COL19A1: variants seen among roughly 807,000 people sequenced by gnomAD.
COL19A1 encodes collagen alpha-1(XIX) chain.
A neutral mutation model predicts 190.2 loss-of-function variants in COL19A1; 159 were observed. The ratio of observed to expected loss-of-function variants is 0.84; its 90% CI spans 0.73 to 0.95. COL19A1 has a LOEUF of 0.95. COL19A1 is among the 40% of genes least tolerant of loss of function. The probability of loss-of-function intolerance (pLI) is 0.00; values close to 1 mark genes in which losing one functional copy is unlikely to be tolerated. For missense variants in COL19A1, 1,418 were observed against 1,431.9 expected, an observed-to-expected ratio of 0.99 and a Z score of 0.16; for synonymous variants, 509 against 458.9, an observed-to-expected ratio of 1.11 and a Z score of -1.39.
In COL19A1 at chr6:70,183,216, G is replaced by A. The variant is rs141577465; in HGVS notation, c.2776-1487G>A. Among the ~76,000 whole-genome samples the A allele has an allele frequency of 5.3e-5, 8 of 152,294 alleles. No individual in the cohort carries two copies. In the East Asian group the frequency reaches 1.5e-3, roughly 29 times the overall value. On this transcript the variant is annotated intron_variant, in intron 44 of 50. Transcript: ENST00000620364. ...ATTTGGGTTGGAACAAGCGAGCAAAGATACGTGGTTTTCTTCAGCCAATCA... is the reference window on the plus strand; with the variant it reads ...ATTTGGGTTGGAACAAGCGAGCAAAAATACGTGGTTTTCTTCAGCCAATCA...
intron 11 of COL19A1, among the ~76,000 whole-genome samples, chr6:69,971,858 G>C (rs79643713): frequency 0.018 from 2,786 of 152,232 alleles, 36 homozygotes; most frequent in Middle Eastern, 0.082. Flanking sequence ...TAATCTCCCT[G>C]TTCTCACTCT....
At chr6:70,045,837 A>T (rs1264961824) in intron 14 of COL19A1, among the ~76,000 whole-genome samples, 1 of 152,188 alleles carries the variant, frequency 6.6e-6, no homozygotes, top group African/African-American at 2.4e-5. Flanking sequence ...CTAACCCATG[A>T]CCCAGACTTG....
intron 4 of COL19A1, among the ~76,000 whole-genome samples, chr6:69,921,512 ATG>A (rs374675608): frequency 0.011 from 98 of 8,714 alleles, 4 homozygotes; most frequent in African/African-American, 0.022. Flanking sequence ...ATATATTCAT[ATG>A]TATATTCATA....
At position 69,995,522 on chromosome 6, in the gene COL19A1, A is replaced by ATTT. The variant is rs111245935; in HGVS notation, c.1027-28092_1027-28090dup. On this transcript the variant is annotated intron_variant, in intron 11 of 50. Coordinates refer to ENST00000620364, the MANE Select transcript of COL19A1 (RefSeq NM_001858.6). ...GGTTTGATTTAAGTAAAACCGTGTG[A>ATTT]TTTTTTTTTTTTTTTACCAAAAGCA... is the stretch of plus-strand genomic sequence containing the variant. Among the ~76,000 whole-genome samples, 1,322 of 145,992 alleles carry ATTT rather than the reference A, an allele frequency of 9.1e-3. 20 individuals are homozygous for ATTT. The highest frequency in any genetic ancestry group is 0.031 in the African/African-American group (1,237 of 40,384).
At chr6:69,891,208 A>G (rs1228684942) in intron 2 of COL19A1, 1 of 154,756 alleles carries the variant, frequency 6.5e-6, no homozygotes, top group African/African-American at 2.4e-5. Flanking sequence ...GCTAGCAAAA[A>G]AAAAAAAAAA....
chr6:70,035,510 T>C (rs1251314740), intron 13 of COL19A1, among the ~76,000 whole-genome samples: 3 of 152,210 alleles, frequency 2.0e-5, no homozygotes, highest in Non-Finnish European at 4.4e-5. Context: ...ATCCACTTAT[T>C]ATTTCTGCTG....
intron 14 of COL19A1, among the ~76,000 whole-genome samples, chr6:70,067,311 G>C (rs564822596): frequency 2.0e-5 from 3 of 152,108 alleles, no homozygotes; most frequent in Non-Finnish European, 4.4e-5. Context: ...GAATCCAAAC[G>C]TATCTTGTAG....
At chr6:70,038,316 C>T (rs558839022) in intron 14 of COL19A1, among the ~76,000 whole-genome samples, 1 of 152,322 alleles carries the variant, frequency 6.6e-6, no homozygotes, top group East Asian at 1.9e-4. Flanking sequence ...ATTCAATCAA[C>T]CTGATGTGGG....
intron 14 of COL19A1, among the ~76,000 whole-genome samples, chr6:70,055,781 T>TAAAAAAAAAA (rs55871207): frequency 8.9e-4 from 104 of 117,354 alleles, no homozygotes; most frequent in African/African-American, 3.3e-3. Context: ...AACTCTGTAT[T>TAAAAAAAAAA]AAAAAAAAAA....
chr6:70,178,741 G>A (rs1765973570), intron 42 of COL19A1, among the ~76,000 whole-genome samples: 1 of 152,200 alleles, frequency 6.6e-6, no homozygotes, highest in Non-Finnish European at 1.5e-5. Flanking sequence ...TGATTACCAA[G>A]GGGACCCAAT....
chr6:70,124,919 G>T (rs1785103065), intron 17 of COL19A1, among the ~76,000 whole-genome samples: 1 of 152,078 alleles, frequency 6.6e-6, no homozygotes, highest in South Asian at 2.1e-4. Flanking sequence ...CACCAAGAAG[G>T]ATGGAGGTGG....
At chr6:69,998,133 A>C (rs1267033623) in intron 11 of COL19A1, among the ~76,000 whole-genome samples, 1 of 152,214 alleles carries the variant, frequency 6.6e-6, no homozygotes, top group Non-Finnish European at 1.5e-5. Flanking sequence ...GAAACTATCA[A>C]AGATGAAAGC....
chr6:70,001,245 A>C (rs951002651), intron 11 of COL19A1, among the ~76,000 whole-genome samples: 4 of 152,182 alleles, frequency 2.6e-5, no homozygotes, highest in Non-Finnish European at 5.9e-5. Flanking sequence ...TTTTGGTACC[A>C]GTATCATGCT....
intron 14 of COL19A1, among the ~76,000 whole-genome samples, chr6:70,063,198 G>A (rs1346840724): frequency 2.0e-5 from 3 of 151,982 alleles, no homozygotes; most frequent in South Asian, 2.1e-4. Flanking sequence ...GCACCACACT[G>A]CACCTATTCC....
At chr6:70,190,848 C>T (rs1354923366) in intron 48 of COL19A1, among the ~76,000 whole-genome samples, 3 of 152,186 alleles carry the variant, frequency 2.0e-5, no homozygotes, top group African/African-American at 7.2e-5. Context: ...CTAGCCAAAG[C>T]TATTGCCACC....
intron 14 of COL19A1, among the ~76,000 whole-genome samples, chr6:70,058,621 C>G (rs1178615972): frequency 6.6e-6 from 1 of 151,924 alleles, no homozygotes; most frequent in African/African-American, 2.4e-5. Flanking sequence ...AATTCCTTTT[C>G]TAAACACTTG....
intron 16 of COL19A1, 62 bp from the exon 17 acceptor site, chr6:70,121,818 T>A: frequency 9.5e-7 from 1 of 1,053,512 alleles, no homozygotes; most frequent in Non-Finnish European, 1.4e-6. Flanking sequence ...AGATATGTTA[T>A]TTAAATATTC....
intron 11 of COL19A1, among the ~76,000 whole-genome samples, chr6:69,991,762 T>C (rs1193115652): frequency 2.0e-5 from 3 of 152,108 alleles, no homozygotes; most frequent in Non-Finnish European, 2.9e-5. Flanking sequence ...TCCACTTGTT[T>C]AACTTTCTTA....
chr6:70,140,305 GTGC>G lies in COL19A1; in HGVS notation c.1447-647_1447-645del, dbSNP rs1786163106. Among the ~76,000 whole-genome samples, 4 of 151,868 alleles carry G rather than the reference GTGC, an allele frequency of 2.6e-5. No homozygotes were observed. The South Asian group carries it at 8.3e-4, about 32-fold the overall frequency. Reference sequence around the variant, plus strand: ...ACTTATAATATATATTACAATGTAAGTGCTATGTAAATAGTTGTTATACTGTAT... The same window carrying G: ...ACTTATAATATATATTACAATGTAAGTATGTAAATAGTTGTTATACTGTAT... On this transcript the variant is annotated intron_variant, in intron 19 of 50. Transcript: ENST00000620364.
Sources: allele counts gnomAD v4.1 joint callset (sites outside exome capture counted in the v4.1 genomes callset), GRCh38; gene constraint gnomAD v4.1.1; transcripts MANE v1.5; gene names NCBI Gene and HGNC (gene_info 2026-07-23, HGNC 2026-07-21).